The following PMIS2 variants were observed in gnomAD, a reference collection of about 807,000 sequenced individuals.
PMIS2 encodes the protein PMIS2 transmembrane protein.
At chr19:35,586,198 G>A (rs2071779006) in exon 1 of PMIS2, 1 of 398,866 alleles carries the variant, frequency 2.5e-6, no homozygotes, top group Non-Finnish European at 4.4e-6. Context: ...ACAAGGGGAA[G>A]CCTAGTGGGT....
At chr19:35,587,197 A>G (rs1163485188) in exon 2 of PMIS2, 4 of 398,408 alleles carry the variant, frequency 1.0e-5, no homozygotes, top group Middle Eastern at 6.3e-4. Flanking sequence ...CGAGCCACTC[A>G]CCAAACACTA....
At chr19:35,586,801 A>G (rs934821371) in intron 1 of PMIS2, among the ~76,000 whole-genome samples, 175 bp from the exon 2 acceptor site, 5 of 151,950 alleles carry the variant, frequency 3.3e-5, no homozygotes, top group Non-Finnish European at 5.9e-5. Context: ...GCTGGTCTCG[A>G]GCTTCTGACC....
intron 1 of PMIS2, among the ~76,000 whole-genome samples, 200 bp from the exon 2 acceptor site, chr19:35,586,776 C>T (rs932762821): frequency 6.6e-6 from 1 of 151,976 alleles, no homozygotes; most frequent in African/African-American, 2.4e-5. Flanking sequence ...GACGGGGTTT[C>T]ACCATGCTGG....
intron 1 of PMIS2, among the ~76,000 whole-genome samples, 167 bp from the exon 2 acceptor site, chr19:35,586,809 A>G (rs2071781853): frequency 6.6e-6 from 1 of 151,790 alleles, no homozygotes; most frequent in Non-Finnish European, 1.5e-5. Flanking sequence ...CGAGCTTCTG[A>G]CCTTGTGATC....
At chr19:35,586,407 C>A (rs557451823) in exon 1 of PMIS2, 11 of 398,692 alleles carry the variant, frequency 2.8e-5, no homozygotes, top group Non-Finnish European at 4.4e-5. Context: ...AGCTGAGGTG[C>A]CCCAGGAGCC....
chr19:35,586,965 G>T lies in PMIS2; in HGVS notation c.283-56G>T, dbSNP rs59008780. ...CCTCAGTGACTGCAGGTCTCCAACC[G>T]TTCTCCCCAGGGTTCCTGGACACAG... On this transcript the variant is annotated intron_variant, in intron 1 of 1. Transcript: ENST00000646476. 2 of 398,414 alleles carry T rather than the reference G, an allele frequency of 5.0e-6. No homozygotes were observed. Among genetic ancestry groups the T allele is most frequent in the Non-Finnish European group, 8.8e-6 (2 of 226,138 alleles). The allele number at this position is 398,414 out of a possible 1,614,324, so 24.7% of individuals were successfully genotyped here. A position where few individuals can be genotyped will look rare whatever the true frequency, so the allele number is the denominator to read the frequency against.
exon 1 of PMIS2, chr19:35,586,361 A>G (rs942883764): frequency 3.8e-5 from 15 of 399,082 alleles, no homozygotes; most frequent in Non-Finnish European, 6.6e-5. Flanking sequence ...CAGCTGCCCC[A>G]GGTTCTCCCA....
rs574824390 is a variant in PMIS2, at chr19:35,586,240, C to T, written c.-20C>T. 3.0e-5 allele frequency: 12 copies of T among 398,828 alleles called. No individual in the cohort carries two copies. The Admixed American group carries it at 5.3e-4, about 18-fold the overall frequency. 24.7% of individuals were successfully genotyped at this position (398,828 alleles called of 1,614,324 possible). On this transcript the variant is annotated 5_prime_UTR_variant, in exon 1 of 2. Coordinates refer to ENST00000646476, the Ensembl canonical transcript of PMIS2. ...CTCCGTTTTCAAGACACTCGGAGTC[C>T]GTCTTTGAGGGGAAAGGTCATGGCC...
Position 35,586,291 on chromosome 19 carries a change from C to CT in PMIS2, c.33dup (p.Ala12CysfsTer16). ...CTGAAACCACCTTCTGCCACCCAGC[C>CT]TGCTCCCAACGCGCCAGCTACCCCA... On this transcript the variant is annotated frameshift_variant, in exon 1 of 2. Coordinates refer to ENST00000646476, the Ensembl canonical transcript of PMIS2. LOFTEE classifies it high-confidence loss of function. 1 of 399,058 alleles carries CT rather than the reference C, an allele frequency of 2.5e-6. No individual in the cohort carries two copies. Among genetic ancestry groups the CT allele is most frequent in the Non-Finnish European group, 4.4e-6 (1 of 226,490 alleles). The allele number at this position is 399,058 out of a possible 1,614,324, so 24.7% of individuals were successfully genotyped here. A position where few individuals can be genotyped will look rare whatever the true frequency, so the allele number is the denominator to read the frequency against.
intron 1 of PMIS2, 118 bp downstream of exon 1, chr19:35,586,659 A>G (rs1247441762): frequency 1.8e-5 from 7 of 392,984 alleles, no homozygotes; most frequent in Non-Finnish European, 3.1e-5. Context: ...GGCTCACTGC[A>G]ATCTCTGCCT....
chr19:35,587,180 C>T (rs12984019), exon 2 of PMIS2: 121,902 of 398,182 alleles, frequency 0.31, 19,784 homozygotes, highest in Middle Eastern at 0.36. Flanking sequence ...GGGGTCCGCT[C>T]CCCAACCGAG....
At chr19:35,586,301 C>T (rs553780461) in exon 1 of PMIS2, 7 of 398,920 alleles carry the variant, frequency 1.8e-5, no homozygotes, top group South Asian at 1.3e-4. Context: ...CTGCTCCCAA[C>T]GCGCCAGCTA....
chr19:35,587,274 C>A, downstream of PMIS2: 1 of 395,570 alleles, frequency 2.5e-6, no homozygotes, highest in Non-Finnish European at 4.5e-6. Context: ...AATCCTCTAA[C>A]CAAGGAACTC....
chr19:35,586,965 G>C lies in PMIS2; in HGVS notation c.283-56G>C. Reference sequence around the variant, plus strand: ...CCTCAGTGACTGCAGGTCTCCAACCGTTCTCCCCAGGGTTCCTGGACACAG... The same window carrying C: ...CCTCAGTGACTGCAGGTCTCCAACCCTTCTCCCCAGGGTTCCTGGACACAG... On this transcript the variant is annotated intron_variant, in intron 1 of 1. Transcript: ENST00000646476. 2.5e-6 allele frequency: 1 copy of C among 398,528 alleles called. No individual in the cohort carries two copies. 24.7% of individuals were successfully genotyped at this position (398,528 alleles called of 1,614,324 possible). A position where few individuals can be genotyped will look rare whatever the true frequency, so the allele number is the denominator to read the frequency against.
At chr19:35,586,763 A>T (rs1016199247) in intron 1 of PMIS2, among the ~76,000 whole-genome samples, 11 of 151,824 alleles carry the variant, frequency 7.2e-5, no homozygotes, top group Non-Finnish European at 1.5e-4. Flanking sequence ...TATTTTTAGT[A>T]GAGACGGGGT....
intron 1 of PMIS2, 108 bp downstream of exon 1, chr19:35,586,649 G>C (rs180785734): frequency 2.6e-6 from 1 of 391,872 alleles, no homozygotes; most frequent in Non-Finnish European, 4.5e-6. Context: ...GTGCAATCTC[G>C]GCTCACTGCA....
chr19:35,587,215 A>T (rs575811242), downstream of PMIS2: 6 of 398,156 alleles, frequency 1.5e-5, no homozygotes, highest in East Asian at 1.8e-4. Context: ...CTAACCAGCC[A>T]AGTCAGCCAT....
At chr19:35,586,732 A>G (rs867840801) in intron 1 of PMIS2, among the ~76,000 whole-genome samples, 191 bp downstream of exon 1, 19 of 151,988 alleles carry the variant, frequency 1.3e-4, no homozygotes, top group Middle Eastern at 3.4e-3. Flanking sequence ...GACATGAGCC[A>G]CAGTGCCCGG....
chr19:35,587,265 A>G (rs2071783812), downstream of PMIS2: 1 of 396,048 alleles, frequency 2.5e-6, no homozygotes, highest in African/African-American at 2.1e-5. Flanking sequence ...TAGCCAAGAA[A>G]TCCTCTAACC....
Sources: gnomAD v4.1 joint callset for allele counts (sites outside exome capture counted in the v4.1 genomes callset) on GRCh38, gnomAD v4.1.1 for gene constraint, MANE v1.5 for transcripts, NCBI Gene and HGNC (gene_info 2026-07-23, HGNC 2026-07-21) for gene names.